IMMP2L: variants seen among roughly 807,000 people sequenced by gnomAD.
IMMP2L encodes inner mitochondrial membrane peptidase subunit 2, also known as mitochondrial inner membrane protease subunit 2.
A neutral mutation model predicts 19.3 loss-of-function variants in IMMP2L; 18 were observed. That is an observed-to-expected ratio of 0.93 (90% CI 0.64 to 1.38). The LOEUF (loss-of-function observed/expected upper bound fraction) is 1.38. Among genes scored for constraint, IMMP2L ranks in the 40% most tolerant of loss-of-function variants. IMMP2L has a pLI of 0.00. For missense variants in IMMP2L, 233 were observed against 218.2 expected (o/e 1.07, Z -0.43); for synonymous variants, 76 against 73.0 (o/e 1.04, Z -0.21).
At chr7:110,692,066 T>C (rs890672712) in intron 5 of IMMP2L, among the ~76,000 whole-genome samples, 1 of 152,112 alleles carries the variant, frequency 6.6e-6, no homozygotes, top group East Asian at 1.9e-4. Flanking sequence ...TAAATGCTCA[T>C]TCAACACTGA....
intron 3 of IMMP2L, among the ~76,000 whole-genome samples, chr7:111,089,959 T>A (rs997847180): frequency 6.6e-6 from 1 of 151,872 alleles, no homozygotes; most frequent in Admixed American, 6.6e-5. Context: ...AGGTTTTGTT[T>A]TTTTTTTCCT....
chr7:111,402,793 T>G (rs1833548502), intron 3 of IMMP2L, among the ~76,000 whole-genome samples: 1 of 152,156 alleles, frequency 6.6e-6, no homozygotes, highest in African/African-American at 2.4e-5. Flanking sequence ...TCTGCATATC[T>G]GTATATTAAA....
At chr7:111,242,120 T>C (rs551643467) in intron 3 of IMMP2L, among the ~76,000 whole-genome samples, 3 of 151,882 alleles carry the variant, frequency 2.0e-5, no homozygotes, top group Non-Finnish European at 2.9e-5. Context: ...ATTCAGAAAA[T>C]AGAATATTAG....
At chr7:110,792,283 G>A (rs1226071750) in intron 5 of IMMP2L, among the ~76,000 whole-genome samples, 2 of 151,668 alleles carry the variant, frequency 1.3e-5, no homozygotes, top group Non-Finnish European at 2.9e-5. Context: ...CCTAGAGTTA[G>A]AATTAAATGG....
rs369754695 is a variant in IMMP2L, at chr7:111,511,533, C to T, written c.135+9780G>A. ...GCATGGTGGTGCAAGCCTGTAATCCCAGCTACTCAGGGGGCTGAGGCACAA... is the reference window on the plus strand; with the variant it reads ...GCATGGTGGTGCAAGCCTGTAATCCTAGCTACTCAGGGGGCTGAGGCACAA... On this transcript the variant is annotated intron_variant, in intron 2 of 5. Coordinates refer to ENST00000405709, the MANE Select transcript of IMMP2L (RefSeq NM_032549.4). 9.2e-5 allele frequency among the ~76,000 whole-genome samples: 14 copies of T among 151,838 alleles called. No homozygotes were observed. The East Asian group carries it at 1.9e-3, about 21-fold the overall frequency.
intron 5 of IMMP2L, among the ~76,000 whole-genome samples, chr7:110,723,330 A>C (rs17477003): frequency 0.21 from 31,709 of 152,172 alleles, 3,493 homozygotes; most frequent in Admixed American, 0.26. Flanking sequence ...AACTACCACC[A>C]GTTTGATGCA....
At chr7:111,042,342 G>C (rs958562240) in intron 3 of IMMP2L, among the ~76,000 whole-genome samples, 1 of 152,122 alleles carries the variant, frequency 6.6e-6, no homozygotes, top group African/African-American at 2.4e-5. Context: ...ACCACACCCA[G>C]CTAATTTTTG....
chr7:110,913,220 A>G (rs1813244488), intron 4 of IMMP2L, among the ~76,000 whole-genome samples: 2 of 152,312 alleles, frequency 1.3e-5, no homozygotes, highest in South Asian at 4.1e-4. Flanking sequence ...TGGGTACTGG[A>G]CAATAGGTAA....
intron 3 of IMMP2L, among the ~76,000 whole-genome samples, chr7:111,259,718 TA>T (rs1477521558): frequency 1.3e-5 from 2 of 152,032 alleles, no homozygotes; most frequent in African/African-American, 4.8e-5. Context: ...TTTAAAATCT[TA>T]AATTTTTTGA....
At chr7:110,897,173 T>C (rs922153388) in intron 4 of IMMP2L, among the ~76,000 whole-genome samples, 2 of 152,062 alleles carry the variant, frequency 1.3e-5, no homozygotes, top group South Asian at 2.1e-4. Context: ...CATACGAAAA[T>C]ACCTCAGTAT....
intron 3 of IMMP2L, among the ~76,000 whole-genome samples, chr7:111,482,968 A>T (rs1842322363): frequency 6.6e-6 from 1 of 152,186 alleles, no homozygotes; most frequent in Non-Finnish European, 1.5e-5. Flanking sequence ...AAAAAATAAA[A>T]AATGAAAATA....
intron 5 of IMMP2L, among the ~76,000 whole-genome samples, chr7:110,882,271 CCTCT>C (rs1585125583): frequency 6.8e-6 from 1 of 147,642 alleles, no homozygotes; most frequent in Admixed American, 6.7e-5. Context: ...AGTCCCAATT[CCTCT>C]CTTTGTCAAG....
chr7:111,200,316 G>A (rs1280801580), intron 3 of IMMP2L, among the ~76,000 whole-genome samples: 2 of 152,106 alleles, frequency 1.3e-5, no homozygotes, highest in African/African-American at 2.4e-5. Flanking sequence ...TAGCACAGTC[G>A]AAAGTGTAAT....
At position 110,786,183 on chromosome 7, in the gene IMMP2L, C is replaced by T. The variant is rs199724472; in HGVS notation, c.408+100410G>A. On this transcript the variant is annotated intron_variant, in intron 5 of 5. Coordinates refer to ENST00000405709, the MANE Select transcript of IMMP2L (RefSeq NM_032549.4). ...CTTCATATAAAGAAATTAGTTTAGT[C>T]TAATGTTCCCAGAATTATTTTTATA... is the stretch of plus-strand genomic sequence containing the variant. 3.3e-5 allele frequency among the ~76,000 whole-genome samples: 5 copies of T among 152,012 alleles called. No individual in the cohort carries two copies. In the East Asian group the frequency reaches 7.8e-4, roughly 24 times the overall value.
chr7:111,498,037 T>C (rs1843757743), intron 2 of IMMP2L, among the ~76,000 whole-genome samples: 1 of 152,006 alleles, frequency 6.6e-6, no homozygotes, highest in African/African-American at 2.4e-5. Flanking sequence ...AAGCAATGAA[T>C]TGTTTTTGAA....
At position 111,106,155 on chromosome 7, in the gene IMMP2L, T is replaced by C. The variant is rs150858761; in HGVS notation, c.240-142590A>G. ...ACATTGGAGCAGACAAATTAGCACC[T>C]ACATGCTAAATAAAATGGGAGGAAT... On this transcript the variant is annotated intron_variant, in intron 3 of 5. Transcript: ENST00000405709. 4.7e-3 allele frequency among the ~76,000 whole-genome samples: 709 copies of C among 152,072 alleles called. 9 individuals carry two copies. The highest frequency in any genetic ancestry group is 6.6e-3 in the Non-Finnish European group (450 of 67,876).
intron 1 of IMMP2L, among the ~76,000 whole-genome samples, chr7:111,539,164 GA>G (rs1848188120): frequency 1.7e-5 from 1 of 58,660 alleles, no homozygotes; most frequent in African/African-American, 8.4e-5. Context: ...AGGAAGGAAG[GA>G]AGGAAGGAAG....
chr7:111,023,707 T>TAAAAC lies in IMMP2L; in HGVS notation c.240-60147_240-60143dup, dbSNP rs113751974. ...GGGTAACCAGAGCAAAACTCCATCT[T>TAAAAC]AAAACAAAACAAAACAAAACAAAAA... On this transcript the variant is annotated intron_variant, in intron 3 of 5. Transcript: ENST00000405709. Among the ~76,000 whole-genome samples the TAAAAC allele has an allele frequency of 6.4e-4, 98 of 152,122 alleles. 1 individual carries two copies. The highest frequency in any genetic ancestry group is 2.0e-3 in the African/African-American group (85 of 41,492).
intron 5 of IMMP2L, among the ~76,000 whole-genome samples, chr7:110,714,048 A>C (rs1233835898): frequency 6.6e-6 from 1 of 152,114 alleles, no homozygotes; most frequent in Non-Finnish European, 1.5e-5. Flanking sequence ...ATTCAGTATG[A>C]TGCTGTCTGT....
Sources: gnomAD v4.1 joint callset for allele counts (sites outside exome capture counted in the v4.1 genomes callset) on GRCh38, gnomAD v4.1.1 for gene constraint, MANE v1.5 for transcripts, NCBI Gene and HGNC (gene_info 2026-07-23, HGNC 2026-07-21) for gene names.